ALDH1L1: variants seen among roughly 807,000 people sequenced by gnomAD.
ALDH1L1 encodes the protein aldehyde dehydrogenase 1 family member L1, also known as cytosolic 10-formyltetrahydrofolate dehydrogenase.
A neutral mutation model predicts 101.1 loss-of-function variants in ALDH1L1; 68 were observed. That is an observed-to-expected ratio of 0.67 (90% CI 0.55 to 0.82). ALDH1L1 has a LOEUF of 0.82. ALDH1L1 is among the 40% of genes least tolerant of loss of function. The pLI is 0.00. For missense variants in ALDH1L1, 1,087 were observed against 1,172.7 expected (o/e 0.93, Z 1.07); for synonymous variants, 486 against 470.8 (o/e 1.03, Z -0.42).
intron 1 of ALDH1L1, among the ~76,000 whole-genome samples, chr3:126,167,345 T>TA (rs2081189985): frequency 6.6e-6 from 1 of 152,180 alleles, no homozygotes; most frequent in Non-Finnish European, 1.5e-5. Context: ...ATATTTCACT[T>TA]ATAGACCTAA....
Position 126,103,822 on chromosome 3 carries a change from A to C in ALDH1L1, c.2678T>G (p.Leu893Arg). ...TTCGAAGGTCACTGTCTTGACCCGC[A>C]GGTACTCGTTCAGAGCCGCCTCTCC... Reference protein sequence around the residue: ...DLGEAALNEYLRVKTVTFEY With the variant: ...DLGEAALNEYRRVKTVTFEY Residue 893 changes from leucine (L) to arginine (R), a missense_variant, in exon 23 of 23, where the codon CTG (leucine) becomes CGG (arginine). This residue lies in a region of ALDH1L1 where 442 missense variants were observed against 535.7 expected (regional missense o/e 0.83). Coordinates refer to ENST00000393434, the MANE Select transcript of ALDH1L1 (RefSeq NM_012190.4). 1 of 1,613,694 alleles carries C rather than the reference A, an allele frequency of 6.2e-7. No homozygotes were observed. The highest frequency in any genetic ancestry group is 8.5e-7 in the Non-Finnish European group (1 of 1,179,854).
chr3:126,176,493 T>G (rs190574863), intron 1 of ALDH1L1, among the ~76,000 whole-genome samples: 1 of 152,166 alleles, frequency 6.6e-6, no homozygotes, highest in East Asian at 1.9e-4. Flanking sequence ...GATAGATCAA[T>G]TGAACAGAAT....
Position 126,160,846 on chromosome 3 carries a change from C to A in ALDH1L1, c.127+7G>T. 6.2e-7 allele frequency: 1 copy of A among 1,613,348 alleles called. No individual in the cohort carries two copies. The highest frequency in any genetic ancestry group is 8.5e-7 in the Non-Finnish European group (1 of 1,179,504). On this transcript the variant is annotated splice_region_variant and intron_variant, in intron 2 of 22. Coordinates refer to ENST00000393434, the MANE Select transcript of ALDH1L1 (RefSeq NM_012190.4). ...CATCAGCTTCCCTGCTCCATTGGCT[C>A]ACTCACCCAGGGGGTCGGCCTTTCC...
intron 20 of ALDH1L1, among the ~76,000 whole-genome samples, chr3:126,109,287 G>A (rs769273640): frequency 3.3e-5 from 5 of 152,320 alleles, no homozygotes; most frequent in South Asian, 4.1e-4. Flanking sequence ...TGGCTGCTGC[G>A]CTTCTGGCCT....
intron 9 of ALDH1L1, 123 bp downstream of exon 9, chr3:126,146,712 T>C: frequency 9.7e-7 from 1 of 1,033,270 alleles, no homozygotes; most frequent in Non-Finnish European, 1.4e-6. Context: ...TGGCCCTTCC[T>C]GGGTCCCTGG....
intron 14 of ALDH1L1, among the ~76,000 whole-genome samples, chr3:126,125,992 T>G (rs1319233748): frequency 6.6e-6 from 1 of 152,096 alleles, no homozygotes; most frequent in Non-Finnish European, 1.5e-5. Flanking sequence ...TGTGGAACTG[T>G]CTGGGGCACA....
At chr3:126,149,029 G>C (rs1442515019) in intron 8 of ALDH1L1, among the ~76,000 whole-genome samples, 1 of 152,206 alleles carries the variant, frequency 6.6e-6, no homozygotes, top group Non-Finnish European at 1.5e-5. Context: ...ACCTGGGTGA[G>C]AGCTTTTGCT....
chr3:126,158,458 G>T lies in ALDH1L1; in HGVS notation c.309C>A (p.Ile103=), dbSNP rs776419452. The change falls in exon 3 of 23, where the codon ATC becomes ATA. Residue 103 remains isoleucine (I), a synonymous_variant. Transcript: ENST00000393434. ...TAGGGAGCAGTGACGGGTGATAGAT[G>T]ATGGAGCCATGCCGGGGGGCACTGA... The part of the protein sequence containing the change: ...EIISAPRHGS[I]IYHPSLLPRH... The T allele has an allele frequency of 6.2e-7, 1 of 1,613,448 alleles. No individual in the cohort carries two copies. The highest frequency in any genetic ancestry group is 1.7e-5 in the Admixed American group (1 of 59,932).
At chr3:126,142,025 A>G (rs1241486151) in intron 9 of ALDH1L1, among the ~76,000 whole-genome samples, 1 of 152,202 alleles carries the variant, frequency 6.6e-6, no homozygotes, top group Non-Finnish European at 1.5e-5. Context: ...ACATTATACC[A>G]ATCTTACAGA....
chr3:126,118,154 G>A, intron 16 of ALDH1L1, 56 bp from the exon 17 acceptor site: 1 of 1,428,606 alleles, frequency 7.0e-7, no homozygotes, highest in Non-Finnish European at 9.8e-7. Context: ...TGGGGAGGCA[G>A]GAGCCCACCT....
At chr3:126,171,684 A>G (rs1190354363) in intron 1 of ALDH1L1, among the ~76,000 whole-genome samples, 1 of 152,170 alleles carries the variant, frequency 6.6e-6, no homozygotes, top group African/African-American at 2.4e-5. Flanking sequence ...CCTCATAGAA[A>G]CTATTATACC....
At chr3:126,108,429 G>A (rs1945961315) in intron 20 of ALDH1L1, among the ~76,000 whole-genome samples, 1 of 152,216 alleles carries the variant, frequency 6.6e-6, no homozygotes, top group Non-Finnish European at 1.5e-5. Context: ...TGGCTCCCTA[G>A]CCCTGCTCCT....
At chr3:126,197,427 A>C (rs9828100) in intron 1 of ALDH1L1, among the ~76,000 whole-genome samples, 97,377 of 151,992 alleles carry the variant, frequency 0.64, 31,309 homozygotes, top group African/African-American at 0.69. Context: ...AAAATCCCTG[A>C]AAATTTTTAA....
intron 1 of ALDH1L1, among the ~76,000 whole-genome samples, chr3:126,190,375 G>A (rs1486810716): frequency 3.3e-5 from 5 of 152,132 alleles, no homozygotes; most frequent in East Asian, 1.9e-4. Flanking sequence ...AATATTTTTC[G>A]TAATTTGGAT....
rs200659359 is a variant in ALDH1L1 at position 126,131,551 on chromosome 3, G to T, written c.1473-17C>A. The T allele has an allele frequency of 1.3e-6, 2 of 1,595,286 alleles. No homozygotes were observed. Among genetic ancestry groups the T allele is most frequent in the Admixed American group, 1.7e-5 (1 of 59,600 alleles). ...TCTGCCAACCTGACCAGGGTGAGGG[G>T]AAGCGGGAGGTGGGCTCAGGCCTGG... On this transcript the variant is annotated splice_polypyrimidine_tract_variant and intron_variant, in intron 12 of 22. Transcript: ENST00000393434.
At position 126,160,916 on chromosome 3, in the gene ALDH1L1, CCTT is replaced by C; in HGVS notation, c.61_63del (p.Lys21del). The C allele has an allele frequency of 6.2e-7, 1 of 1,614,280 alleles. No homozygotes were observed. The highest frequency in any genetic ancestry group is 1.1e-5 in the South Asian group (1 of 91,086). Reference sequence around the variant, plus strand: ...AACACACCCACCACTTCGTGGCCCTCCTTCCTCAGGTGGCAGTAAACTTCCTGG... The same window carrying C: ...AACACACCCACCACTTCGTGGCCCTCCCTCAGGTGGCAGTAAACTTCCTGG... On this transcript the variant is annotated inframe_deletion, in exon 2 of 23. Coordinates refer to ENST00000393434, the MANE Select transcript of ALDH1L1 (RefSeq NM_012190.4).
intron 1 of ALDH1L1, among the ~76,000 whole-genome samples, chr3:126,176,630 A>G (rs956039451): frequency 6.6e-6 from 1 of 152,224 alleles, no homozygotes; most frequent in African/African-American, 2.4e-5. Context: ...TGATGTTTAC[A>G]GCATCTTTAT....
At chr3:126,135,350 G>A (rs768842207) in intron 12 of ALDH1L1, 185 bp downstream of exon 12, 14 of 677,972 alleles carry the variant, frequency 2.1e-5, no homozygotes, top group Non-Finnish European at 3.2e-5. Flanking sequence ...CCCTTCCTCT[G>A]AGAAGCCTTT....
intron 16 of ALDH1L1, among the ~76,000 whole-genome samples, chr3:126,118,621 A>C (rs1206985660): frequency 6.6e-6 from 1 of 152,018 alleles, no homozygotes; most frequent in Non-Finnish European, 1.5e-5. Context: ...TAGCCCAAGC[A>C]AATCAACCCA....
Sources: gnomAD v4.1 joint callset for allele counts (sites outside exome capture counted in the v4.1 genomes callset) on GRCh38, gnomAD v4.1.1 for gene constraint, gnomAD v4.1.1 regional missense constraint, MANE v1.5 for transcripts, NCBI Gene and HGNC (gene_info 2026-07-23, HGNC 2026-07-21) for gene names.